Variants in SAE1 observed in about 807,000 individuals in gnomAD.
SAE1 encodes the protein SUMO-activating enzyme subunit 1.
Under a neutral mutation model 40.6 loss-of-function variants are expected in SAE1, and 11 were observed. The ratio of observed to expected loss-of-function variants is 0.27; its 90% CI spans 0.17 to 0.45. The LOEUF (loss-of-function observed/expected upper bound fraction) is 0.45. Ranked by LOEUF, SAE1 falls within the 20% of genes least tolerant of loss-of-function variation. The pLI is 1.00. For synonymous variants in SAE1, 155 were observed against 154.3 expected (o/e 1.00, Z -0.03); for missense variants, 373 against 427.3 (o/e 0.87, Z 1.12).
Position 47,155,199 on chromosome 19 carries a change from A to G in SAE1, c.613A>G (p.Thr205Ala), listed in dbSNP as rs772912781. Residue 205 changes from threonine (T) to alanine (A), a missense_variant, in exon 5 of 9, where the codon ACG becomes GCG. Around this residue, in one of 3 missense-constraint regions of SAE1, gnomAD observed 351 missense variants for 390.6 expected, o/e 0.90. Transcript: ENST00000270225. The part of the protein sequence containing the change: ...KRAKLDSSET[T>A]MVKKKVVFCP... ...AGCAAAACTTGATTCTTCTGAGACA[A>G]CGATGGTCAAAAAGGTATGTGTAAC... The G allele has an allele frequency of 1.1e-5, 18 of 1,613,116 alleles. No homozygotes were observed. The highest frequency in any genetic ancestry group is 1.5e-5 in the Non-Finnish European group (18 of 1,179,128).
At chr19:47,169,371 A>G (rs1378875448) in intron 5 of SAE1, among the ~76,000 whole-genome samples, 3 of 151,918 alleles carry the variant, frequency 2.0e-5, no homozygotes, top group African/African-American at 7.3e-5. Context: ...TCAGCCTCCC[A>G]AGTATCTGGG....
chr19:47,148,774 C>A lies in SAE1; in HGVS notation c.211-1428C>A, dbSNP rs918385926. Among the ~76,000 whole-genome samples, 2 of 151,772 alleles carry A rather than the reference C, an allele frequency of 1.3e-5. 1 individual carries two copies. Among genetic ancestry groups the A allele is most frequent in the South Asian group, 4.2e-4 (2 of 4,786 alleles). On this transcript the variant is annotated intron_variant, in intron 2 of 8. Transcript: ENST00000270225. ...GAATTACAGGCGTGTGCCACCACGT[C>A]CGGCTAATTTTGTATTTTTAGTAGA...
intron 6 of SAE1, among the ~76,000 whole-genome samples, chr19:47,179,248 G>C (rs1450821058): frequency 6.6e-6 from 1 of 151,532 alleles, no homozygotes; most frequent in Non-Finnish European, 1.5e-5. Context: ...GCTCACGCCT[G>C]TAATCCTAGC....
intron 2 of SAE1, among the ~76,000 whole-genome samples, chr19:47,145,780 G>T (rs2058252205): frequency 6.6e-6 from 1 of 152,012 alleles, no homozygotes; most frequent in Non-Finnish European, 1.5e-5. Context: ...AGAACAGTGC[G>T]ATTCTGACAC....
At position 47,197,281 on chromosome 19, in the gene SAE1, C is replaced by T. The variant is rs147762158; in HGVS notation, c.782C>T (p.Thr261Ile). 107 of 1,613,824 alleles carry T rather than the reference C, an allele frequency of 6.6e-5. No individual in the cohort carries two copies. The East Asian group carries it at 2.0e-3, about 30-fold the overall frequency. Residue 261 changes from threonine to isoleucine, a missense_variant, in exon 7 of 9, where the codon ACA becomes ATA. This residue lies in a region of SAE1 where 351 missense variants were observed against 390.6 expected (regional missense o/e 0.90). Coordinates refer to ENST00000270225, the MANE Select transcript of SAE1 (RefSeq NM_005500.3). The stretch of plus-strand genomic sequence containing the variant: ...AAAGGAAGAGATCCCAGTTCTGATA[C>T]ATATGAGGAAGATTCTGAGTTGTTG... ...TDKGRDPSSD[T>I]YEEDSELLLQ...
intron 6 of SAE1, among the ~76,000 whole-genome samples, chr19:47,186,755 TA>T (rs1399523671): frequency 6.6e-6 from 1 of 152,144 alleles, no homozygotes; most frequent in Non-Finnish European, 1.5e-5. Context: ...GGTGAGGTCA[TA>T]GACTGGGTTT....
At chr19:47,181,001 T>C (rs1031618415) in intron 6 of SAE1, among the ~76,000 whole-genome samples, 2 of 152,062 alleles carry the variant, frequency 1.3e-5, no homozygotes, top group Admixed American at 1.3e-4. Flanking sequence ...TCTTTTGCTC[T>C]AAAGGATGTT....
intron 3 of SAE1, among the ~76,000 whole-genome samples, chr19:47,152,068 G>A (rs1186572735): frequency 1.3e-5 from 2 of 152,168 alleles, no homozygotes; most frequent in African/African-American, 4.8e-5. Context: ...GTGTTATTTC[G>A]GTATTCAGGC....
chr19:47,196,069 G>A lies in SAE1; in HGVS notation c.734-1164G>A, dbSNP rs562876534. On this transcript the variant is annotated intron_variant, in intron 6 of 8. Coordinates refer to ENST00000270225, the MANE Select transcript of SAE1 (RefSeq NM_005500.3). Reference sequence around the variant, plus strand: ...CTTTTTTTTTTTTTTTTTCCCAGACGGAGTCTCGCTCTGTTGCCCAGGCTG... The same window carrying A: ...CTTTTTTTTTTTTTTTTTCCCAGACAGAGTCTCGCTCTGTTGCCCAGGCTG... Among the ~76,000 whole-genome samples, 129 of 141,374 alleles carry A rather than the reference G, an allele frequency of 9.1e-4. 1 individual carries two copies. The highest frequency in any genetic ancestry group is 3.1e-3 in the African/African-American group (118 of 37,808). 92.7% of individuals were successfully genotyped at this position (141,374 alleles called of 152,430 possible). A position where few individuals can be genotyped will look rare whatever the true frequency, so the allele number is the denominator to read the frequency against.
intron 1 of SAE1, among the ~76,000 whole-genome samples, chr19:47,143,128 G>A (rs1028662023): frequency 3.3e-5 from 5 of 150,974 alleles, no homozygotes; most frequent in African/African-American, 7.3e-5. Context: ...TTTTTGAGAC[G>A]GAGTCTCACT....
At chr19:47,173,786 C>CTTTTTTTTT (rs749843235) in intron 6 of SAE1, among the ~76,000 whole-genome samples, 3 of 141,052 alleles carry the variant, frequency 2.1e-5, no homozygotes, top group African/African-American at 7.8e-5. Context: ...TCTTTCTTTT[C>CTTTTTTTTT]TTTTTTTTTT....
At chr19:47,174,306 T>C (rs1331382334) in intron 6 of SAE1, among the ~76,000 whole-genome samples, 1 of 151,568 alleles carries the variant, frequency 6.6e-6, no homozygotes, top group Non-Finnish European at 1.5e-5. Flanking sequence ...TTTCTTTTTT[T>C]TTTTTTTTGG....
chr19:47,174,673 C>T (rs1004060933), intron 6 of SAE1, among the ~76,000 whole-genome samples: 15 of 150,040 alleles, frequency 1.0e-4, no homozygotes, highest in African/African-American at 3.4e-4. Flanking sequence ...CCCGGGTTCA[C>T]GCCATTCTCC....
intron 5 of SAE1, among the ~76,000 whole-genome samples, chr19:47,159,927 C>T (rs535634357): frequency 3.3e-5 from 5 of 152,302 alleles, no homozygotes; most frequent in Admixed American, 2.6e-4. Flanking sequence ...CTCCTGGCCT[C>T]AAGTGATCCG....
chr19:47,180,606 G>T (rs1390067906), intron 6 of SAE1, among the ~76,000 whole-genome samples: 2 of 152,060 alleles, frequency 1.3e-5, no homozygotes, highest in Non-Finnish European at 2.9e-5. Flanking sequence ...TTGATCACTT[G>T]CACCCAGGAG....
chr19:47,208,454 T>A (rs1330002093), intron 8 of SAE1, among the ~76,000 whole-genome samples: 1 of 151,368 alleles, frequency 6.6e-6, no homozygotes, highest in Non-Finnish European at 1.5e-5. Flanking sequence ...TTTCTCTTTT[T>A]TTTTGAGACA....
rs1415938484 is a variant in SAE1 at position 47,210,090 on chromosome 19, C to T, written c.*839C>T. The stretch of plus-strand genomic sequence containing the variant: ...GTTGCATTTCAGGGCTATGTTGGTC[C>T]TTTGTTTACCTCCTAAACCACAGCT... On this transcript the variant is annotated 3_prime_UTR_variant, in exon 9 of 9. Transcript: ENST00000270225. 2.0e-5 allele frequency: 3 copies of T among 152,126 alleles called. No individual in the cohort carries two copies. The East Asian group carries it at 5.8e-4, about 29-fold the overall frequency. 9.4% of individuals were successfully genotyped at this position (152,126 alleles called of 1,614,324 possible).
At chr19:47,136,251 G>T (rs2058179104) in intron 1 of SAE1, among the ~76,000 whole-genome samples, 1 of 151,690 alleles carries the variant, frequency 6.6e-6, no homozygotes, top group Admixed American at 6.6e-5. Context: ...CGATTCTCCT[G>T]CCTAAGCCTC....
At chr19:47,153,839 T>G (rs953732161) in intron 4 of SAE1, among the ~76,000 whole-genome samples, 1 of 152,176 alleles carries the variant, frequency 6.6e-6, no homozygotes, top group Non-Finnish European at 1.5e-5. Flanking sequence ...TTGCCCAGGC[T>G]GGAGTGCAAT....
Sources: allele counts gnomAD v4.1 joint callset (sites outside exome capture counted in the v4.1 genomes callset), GRCh38; gene constraint gnomAD v4.1.1; regional missense constraint gnomAD v4.1.1; transcripts MANE v1.5; gene names NCBI Gene and HGNC (gene_info 2026-07-23, HGNC 2026-07-21).